Variants in TEX101 observed in about 807,000 individuals in gnomAD.
TEX101 encodes the protein testis expressed 101.
In TEX101, 10 loss-of-function variants were observed where a neutral mutation model predicts 18.1. That is an observed-to-expected ratio of 0.55 (90% confidence interval 0.34 to 0.94). The LOEUF (loss-of-function observed/expected upper bound fraction) is 0.94, where lower values mean the gene tolerates loss of function less well. Among genes scored for constraint, TEX101 ranks in the 40% least tolerant of loss-of-function variants. The probability of loss-of-function intolerance (pLI) is 0.02; values close to 1 mark genes in which losing one functional copy is unlikely to be tolerated. For missense variants in TEX101, 259 were observed against 298.9 expected, an observed-to-expected ratio of 0.87 and a Z score of 0.98; for synonymous variants, 94 against 114.8, an observed-to-expected ratio of 0.82 and a Z score of 1.16.
chr19:43,400,255 A>C (rs184330970), upstream of TEX101, among the ~76,000 whole-genome samples: 80 of 152,268 alleles, frequency 5.3e-4, no homozygotes, highest in Non-Finnish European at 2.4e-4. Context: ...GAGAAGATTC[A>C]TTTTTGTGGG....
Position 43,418,346 on chromosome 19 carries a change from G to A in TEX101, c.699G>A (p.Gly233=). Residue 233 remains glycine, a synonymous_variant, in exon 6 of 6, where the codon GGG becomes GGA. Transcript: ENST00000598265. The stretch of plus-strand genomic sequence containing the variant: ...CCTGTCTTCCCATTCCTGTTTGGGG[G>A]TTACAGCTACTGCTGCCATTGCTGC... ...GATCLPIPVW[G]LQLLLPLLLP... The A allele has an allele frequency of 6.2e-7, 1 of 1,614,148 alleles. No individual in the cohort carries two copies. The highest frequency in any genetic ancestry group is 8.5e-7 in the Non-Finnish European group (1 of 1,180,022).
chr19:43,392,730 T>G, the TEX101 span, among the ~76,000 whole-genome samples: 1 of 151,836 alleles, frequency 6.6e-6, no homozygotes. Flanking sequence ...AGACAGACAG[T>G]GTGCAGGAGG....
At chr19:43,391,444 G>T in the TEX101 span, among the ~76,000 whole-genome samples, 2 of 125,226 alleles carry the variant, frequency 1.6e-5, no homozygotes, top group East Asian at 4.8e-4. Flanking sequence ...AACAACCATC[G>T]TAATGGATGT....
At chr19:43,391,827 C>T in the TEX101 span, among the ~76,000 whole-genome samples, 2 of 152,180 alleles carry the variant, frequency 1.3e-5, no homozygotes, top group Admixed American at 1.3e-4. Flanking sequence ...TTTGCAATTC[C>T]CAGAAGTACA....
chr19:43,396,964 G>A (rs1970272425), upstream of TEX101, among the ~76,000 whole-genome samples: 1 of 150,900 alleles, frequency 6.6e-6, no homozygotes, highest in Non-Finnish European at 1.5e-5. Context: ...AGCCTCCTGA[G>A]TAGCTGGGAC....
the TEX101 span, among the ~76,000 whole-genome samples, chr19:43,395,988 T>C: frequency 1.3e-5 from 2 of 152,104 alleles, no homozygotes; most frequent in Non-Finnish European, 1.5e-5. Flanking sequence ...ACCACCAAGA[T>C]GAGGCAGCAA....
chr19:43,391,699 A>G, the TEX101 span, among the ~76,000 whole-genome samples: 1 of 152,142 alleles, frequency 6.6e-6, no homozygotes, highest in Non-Finnish European at 1.5e-5. Context: ...CCCAGTATCC[A>G]TGATGTGGAT....
chr19:43,391,928 C>T, the TEX101 span, among the ~76,000 whole-genome samples: 1 of 152,142 alleles, frequency 6.6e-6, no homozygotes, highest in African/African-American at 2.4e-5. Context: ...AGCTGCAGCA[C>T]CCCCAGTCTG....
chr19:43,404,840 A>G (rs1970347549), intron 2 of TEX101, among the ~76,000 whole-genome samples: 1 of 151,872 alleles, frequency 6.6e-6, no homozygotes, highest in Non-Finnish European at 1.5e-5. Context: ...AAAATATATA[A>G]GAAATAAATA....
At chr19:43,404,540 G>C (rs561726572) in intron 2 of TEX101, among the ~76,000 whole-genome samples, 1 of 152,114 alleles carries the variant, frequency 6.6e-6, no homozygotes, top group South Asian at 2.1e-4. Flanking sequence ...CCATAGAAAA[G>C]GTGGAAGAAT....
chr19:43,395,007 A>C, the TEX101 span, among the ~76,000 whole-genome samples: 2 of 152,164 alleles, frequency 1.3e-5, no homozygotes, highest in Non-Finnish European at 2.9e-5. Flanking sequence ...CATGCATGGG[A>C]GTTCACAGAA....
chr19:43,418,526 G>C lies in TEX101; in HGVS notation c.*129G>C. On this transcript the variant is annotated 3_prime_UTR_variant, in exon 6 of 6. Transcript: ENST00000598265. ...ATACAGAGATACTATGAACGTATTT[G>C]ACATTTTTAATACAATTTCTGCTAT... The C allele has an allele frequency of 1.4e-6, 1 of 732,978 alleles. No individual in the cohort carries two copies. Among genetic ancestry groups the C allele is most frequent in the Non-Finnish European group, 2.2e-6 (1 of 452,176 alleles). The allele number at this position is 732,978 out of a possible 1,614,324, so 45.4% of individuals were successfully genotyped here.
upstream of TEX101, among the ~76,000 whole-genome samples, chr19:43,396,920 T>C (rs530485009): frequency 6.7e-6 from 1 of 148,178 alleles, no homozygotes; most frequent in Non-Finnish European, 1.5e-5. Flanking sequence ...CACTGCACGT[T>C]CCGCCTTCCG....
intron 2 of TEX101, chr19:43,406,131 T>A (rs1363599017): frequency 1.9e-5 from 3 of 161,660 alleles, no homozygotes; most frequent in Non-Finnish European, 3.7e-5. Flanking sequence ...CCTGTAATCC[T>A]AGCACTTTGG....
At chr19:43,389,954 G>C in the TEX101 span, among the ~76,000 whole-genome samples, 1 of 152,154 alleles carries the variant, frequency 6.6e-6, no homozygotes, top group Non-Finnish European at 1.5e-5. Context: ...ATCCGAGCCA[G>C]CTTCTTCTCT....
At chr19:43,400,318 T>C (rs1192841342), upstream of TEX101, among the ~76,000 whole-genome samples, 2 of 152,236 alleles carry the variant, frequency 1.3e-5, no homozygotes, top group African/African-American at 4.8e-5. Context: ...TGTTTGCTAC[T>C]GTTAGCAGAT....
the TEX101 span, among the ~76,000 whole-genome samples, chr19:43,396,069 C>T: frequency 1.1e-4 from 16 of 152,328 alleles, no homozygotes; most frequent in African/African-American, 3.6e-4. Flanking sequence ...CCTTACTCCC[C>T]ACTTTCCATC....
rs762244326 is a variant in TEX101, at chr19:43,406,489, C to T, written c.-16C>T. The T allele has an allele frequency of 5.2e-6, 4 of 765,936 alleles. No individual in the cohort carries two copies. In the South Asian group the frequency reaches 5.5e-5, roughly 10 times the overall value. The allele number at this position is 765,936 out of a possible 1,614,324, so 47.4% of individuals were successfully genotyped here. A position where few individuals can be genotyped will look rare whatever the true frequency, so the allele number is the denominator to read the frequency against. ...GGGGATCGGTGGGCGGTCCCGCCTC[C>T]ATCTTCAGTTCCCGCATGGGGGCGA... is the stretch of plus-strand genomic sequence containing the variant. On this transcript the variant is annotated 5_prime_UTR_variant, in exon 3 of 8. Coordinates refer to the TEX101 transcript ENST00000602198.
chr19:43,411,747 T>C (rs1970421376), upstream of TEX101, among the ~76,000 whole-genome samples: 1 of 151,850 alleles, frequency 6.6e-6, no homozygotes, highest in Non-Finnish European at 1.5e-5. Context: ...GCCTCCCAGG[T>C]TCAAGTGATT....
Sources: allele counts gnomAD v4.1 joint callset (sites outside exome capture counted in the v4.1 genomes callset), GRCh38; gene constraint gnomAD v4.1.1; transcripts MANE v1.5; gene names NCBI Gene and HGNC (gene_info 2026-07-23, HGNC 2026-07-21).